Variants in EVI5 observed in about 807,000 individuals in gnomAD.
EVI5 encodes ecotropic viral integration site 5, also known as ecotropic viral integration site 5 protein homolog.
EVI5 carries 73 observed loss-of-function variants against 112.0 expected under a neutral mutation model. The ratio of observed to expected loss-of-function variants is 0.65; its 90% CI spans 0.54 to 0.79. The LOEUF is 0.79. Among genes scored for constraint, EVI5 ranks in the 30% least tolerant of loss-of-function variants. EVI5 has a pLI of 0.00. For synonymous variants in EVI5, 305 were observed against 319.9 expected, an observed-to-expected ratio of 0.95 and a Z score of 0.50; for missense variants, 900 against 968.8, an observed-to-expected ratio of 0.93 and a Z score of 0.94.
chr1:92,746,894 C>A (rs1203004482), intron 1 of EVI5, among the ~76,000 whole-genome samples: 20 of 128,374 alleles, frequency 1.6e-4, no homozygotes, highest in South Asian at 2.5e-4. Flanking sequence ...GACTCTGGTT[C>A]AAAAAAAAAA....
rs190114669 is a variant in EVI5 at position 92,686,523 on chromosome 1, T to C, written c.1097+7279A>G. Reference sequence around the variant, plus strand: ...CCTCTCTCACCACTCCTATTCAACATAGTGTTGGAAGTTCTGGCCAGGGCA... The same window carrying C: ...CCTCTCTCACCACTCCTATTCAACACAGTGTTGGAAGTTCTGGCCAGGGCA... On this transcript the variant is annotated intron_variant, in intron 9 of 19. Coordinates refer to ENST00000684568, the MANE Select transcript of EVI5 (RefSeq NM_001350197.2). Among the ~76,000 whole-genome samples the C allele has an allele frequency of 7.7e-4, 117 of 152,278 alleles. 1 individual carries two copies. The highest frequency in any genetic ancestry group is 4.6e-3 in the South Asian group (22 of 4,816).
chr1:92,669,617 T>C (rs1665525565), intron 10 of EVI5, among the ~76,000 whole-genome samples: 1 of 150,768 alleles, frequency 6.6e-6, no homozygotes, highest in Non-Finnish European at 1.5e-5. Context: ...CTATCTTTAG[T>C]TATCTTTTTA....
At chr1:92,553,118 G>T (rs1416231987) in intron 19 of EVI5, among the ~76,000 whole-genome samples, 1 of 151,796 alleles carries the variant, frequency 6.6e-6, no homozygotes, top group Non-Finnish European at 1.5e-5. Context: ...AAGGTATCCT[G>T]TGTGGGATTA....
chr1:92,685,688 T>A (rs551641407), intron 9 of EVI5, among the ~76,000 whole-genome samples: 3 of 151,810 alleles, frequency 2.0e-5, no homozygotes, highest in Non-Finnish European at 2.9e-5. Context: ...AAGAATCAAA[T>A]AGATGCAATA....
At chr1:92,743,775 C>A (rs150036788) in intron 1 of EVI5, among the ~76,000 whole-genome samples, 1 of 151,942 alleles carries the variant, frequency 6.6e-6, no homozygotes, top group Non-Finnish European at 1.5e-5. Context: ...GCTAGAGGTC[C>A]GTCACTTTCA....
intron 13 of EVI5, among the ~76,000 whole-genome samples, chr1:92,655,848 T>C (rs1309951887): frequency 6.6e-6 from 1 of 152,126 alleles, no homozygotes; most frequent in East Asian, 1.9e-4. Context: ...CTGGGGCACA[T>C]GTTCTCAGGA....
chr1:92,547,756 A>G (rs530220637), intron 19 of EVI5, among the ~76,000 whole-genome samples: 13 of 152,362 alleles, frequency 8.5e-5, no homozygotes, highest in East Asian at 7.7e-4. Flanking sequence ...GAAGAAATGG[A>G]TAAGTTCCTG....
At chr1:92,584,520 T>C (rs6422515) in intron 18 of EVI5, among the ~76,000 whole-genome samples, 140,297 of 152,300 alleles carry the variant, frequency 0.92, 64,712 homozygotes, top group East Asian at 0.97. Context: ...GAAATATCAA[T>C]AGCAACCACT....
In EVI5 at chr1:92,518,957, T is replaced by A. The variant is rs140506873; in HGVS notation, c.2167-4987A>T. ...AATAATGTCTACATTAAAATTTTTA[T>A]AATCATCTTCAATTTTTAAGATACT... On this transcript the variant is annotated intron_variant, in intron 19 of 19. Coordinates refer to ENST00000684568, the MANE Select transcript of EVI5 (RefSeq NM_001350197.2). 1.0e-3 allele frequency among the ~76,000 whole-genome samples: 152 copies of A among 152,324 alleles called. 1 individual carries two copies. Among genetic ancestry groups the A allele is most frequent in the African/African-American group, 3.5e-3 (146 of 41,576 alleles).
intron 10 of EVI5, among the ~76,000 whole-genome samples, chr1:92,673,979 A>G (rs954418120): frequency 2.0e-5 from 3 of 152,226 alleles, no homozygotes; most frequent in African/African-American, 7.2e-5. Context: ...CCATATCAAA[A>G]CATCAAACAA....
At chr1:92,763,546 T>C (rs1335755362) in intron 1 of EVI5, among the ~76,000 whole-genome samples, 1 of 152,080 alleles carries the variant, frequency 6.6e-6, no homozygotes, top group African/African-American at 2.4e-5. Flanking sequence ...ACCCTGGAGT[T>C]TGACGCTGCA....
At chr1:92,649,671 G>A (rs928390857) in intron 13 of EVI5, among the ~76,000 whole-genome samples, 8 of 152,050 alleles carry the variant, frequency 5.3e-5, no homozygotes, top group African/African-American at 1.9e-4. Flanking sequence ...GAAATTAGCT[G>A]GGCATGGTGG....
intron 14 of EVI5, among the ~76,000 whole-genome samples, chr1:92,628,486 C>G (rs146651740): frequency 1.3e-5 from 2 of 152,314 alleles, no homozygotes; most frequent in South Asian, 2.1e-4. Context: ...CTTAATCCAT[C>G]TCTTAAGTTG....
intron 1 of EVI5, among the ~76,000 whole-genome samples, chr1:92,743,066 A>C (rs1246974732): frequency 1.3e-5 from 2 of 152,234 alleles, no homozygotes; most frequent in Non-Finnish European, 2.9e-5. Context: ...TTAAAAAGGA[A>C]GGAGGGCCAA....
rs1010683935 is a variant in EVI5, at chr1:92,689,231, C to T, written c.1097+4571G>A. Among the ~76,000 whole-genome samples, 9 of 152,260 alleles carry T rather than the reference C, an allele frequency of 5.9e-5. 1 individual carries two copies. Among genetic ancestry groups the T allele is most frequent in the Admixed American group, 3.9e-4 (6 of 15,296 alleles). On this transcript the variant is annotated intron_variant, in intron 9 of 19. Transcript: ENST00000684568. ...TTTGGCAAAATTCTGTGATGCTGAA[C>T]ACAGCTTACTTTGCAACCTTAAAAC...
chr1:92,612,555 C>T (rs1050751539), intron 16 of EVI5, among the ~76,000 whole-genome samples: 24 of 151,762 alleles, frequency 1.6e-4, no homozygotes, highest in African/African-American at 5.3e-4. Context: ...ACTAAAAATA[C>T]AAATATTAGC....
chr1:92,673,103 G>A (rs1666137878), intron 10 of EVI5, among the ~76,000 whole-genome samples: 1 of 151,664 alleles, frequency 6.6e-6, no homozygotes. Flanking sequence ...TATATTAAGG[G>A]CTAAATAAAT....
At chr1:92,562,348 T>C (rs925457281) in intron 19 of EVI5, among the ~76,000 whole-genome samples, 1 of 151,932 alleles carries the variant, frequency 6.6e-6, no homozygotes, top group African/African-American at 2.4e-5. Context: ...GCTAACACAG[T>C]GAAACCCCGT....
At chr1:92,598,685 C>T (rs1026343329) in intron 18 of EVI5, among the ~76,000 whole-genome samples, 9 of 152,064 alleles carry the variant, frequency 5.9e-5, no homozygotes, top group African/African-American at 2.2e-4. Flanking sequence ...AATCTGTTCC[C>T]AACTGAGCAT....
Sources: gnomAD v4.1 joint callset for allele counts (sites outside exome capture counted in the v4.1 genomes callset) on GRCh38, gnomAD v4.1.1 for gene constraint, MANE v1.5 for transcripts, NCBI Gene and HGNC (gene_info 2026-07-23, HGNC 2026-07-21) for gene names.